The following SYNJ1 variants were observed in gnomAD, a reference collection of about 807,000 sequenced individuals.
The protein encoded by SYNJ1 is synaptojanin 1.
SYNJ1 carries 78 observed loss-of-function variants against 168.2 expected under a neutral mutation model. The observed-to-expected ratio is 0.46, with a 90% CI of 0.39 to 0.56. SYNJ1 has a LOEUF of 0.56. Ranked by LOEUF, SYNJ1 falls within the 20% of genes least tolerant of loss-of-function variation. The pLI is 0.00. For missense variants in SYNJ1, 1,303 were observed against 1,597.6 expected, an observed-to-expected ratio of 0.82 and a Z score of 3.14; for synonymous variants, 539 against 548.6, an observed-to-expected ratio of 0.98 and a Z score of 0.24.
At chr21:32,638,061 TTTTA>T (rs1384106059) in intron 31 of SYNJ1, among the ~76,000 whole-genome samples, 1 of 152,092 alleles carries the variant, frequency 6.6e-6, no homozygotes, top group Non-Finnish European at 1.5e-5. Flanking sequence ...AAAGAAGACT[TTTTA>T]TTTATTTATT....
At chr21:32,683,919 A>G in intron 10 of SYNJ1, 119 bp downstream of exon 10, 1 of 834,298 alleles carries the variant, frequency 1.2e-6, no homozygotes, top group South Asian at 1.8e-5. Context: ...GATTAGAAGT[A>G]CAAAATGAAG....
intron 32 of SYNJ1, among the ~76,000 whole-genome samples, chr21:32,633,653 G>A (rs1268290187): frequency 6.6e-6 from 1 of 152,142 alleles, no homozygotes; most frequent in Admixed American, 6.5e-5. Context: ...GAAAAAAACA[G>A]CAGCAGTCTC....
chr21:32,673,875 A>G (rs2041302049), intron 13 of SYNJ1, among the ~76,000 whole-genome samples: 1 of 152,232 alleles, frequency 6.6e-6, no homozygotes, highest in Admixed American at 6.5e-5. Context: ...CCAATGAACT[A>G]TACATTTTTA....
In SYNJ1 at chr21:32,650,084, C is replaced by T. The variant is rs922977782; in HGVS notation, c.3037+100G>A. 33 of 1,407,946 alleles carry T rather than the reference C, an allele frequency of 2.3e-5. No individual in the cohort carries two copies. In the African/African-American group the frequency reaches 4.4e-4, roughly 19 times the overall value. 87.2% of individuals were successfully genotyped at this position (1,407,946 alleles called of 1,614,324 possible). A position where few individuals can be genotyped will look rare whatever the true frequency, so the allele number is the denominator to read the frequency against. On this transcript the variant is annotated intron_variant, in intron 23 of 32. Coordinates refer to ENST00000674351, the MANE Select transcript of SYNJ1 (RefSeq NM_203446.3). ...TCTAATTAATAGTGCTATGTACGTC[C>T]CAAGAAGAAGAAGAAAGATGAACTT...
intron 2 of SYNJ1, among the ~76,000 whole-genome samples, chr21:32,713,366 C>T (rs866804913): frequency 1.5e-5 from 2 of 137,044 alleles, no homozygotes; most frequent in Non-Finnish European, 3.1e-5. Context: ...GGATGATTTC[C>T]CATATATCAA....
chr21:32,722,832 T>C (rs1175237244), intron 2 of SYNJ1, among the ~76,000 whole-genome samples: 1 of 152,180 alleles, frequency 6.6e-6, no homozygotes, highest in African/African-American at 2.4e-5. Flanking sequence ...ACAAGAGTAT[T>C]AGCACTTGGT....
At chr21:32,657,242 C>A in intron 19 of SYNJ1, 122 bp from the exon 20 acceptor site, 1 of 677,118 alleles carries the variant, frequency 1.5e-6, no homozygotes, top group South Asian at 1.9e-5. Context: ...ATGCCAGAAA[C>A]ACTTGGTAAT....
At chr21:32,657,901 T>C (rs1408958050) in intron 18 of SYNJ1, 29 bp from the exon 19 acceptor site, 1 of 1,574,244 alleles carries the variant, frequency 6.4e-7, no homozygotes, top group Non-Finnish European at 8.7e-7. Flanking sequence ...AAGTAAGTTA[T>C]TCCCAAACAG....
At chr21:32,681,862 A>C (rs1451123529) in intron 10 of SYNJ1, among the ~76,000 whole-genome samples, 1 of 152,190 alleles carries the variant, frequency 6.6e-6, no homozygotes, top group Non-Finnish European at 1.5e-5. Flanking sequence ...AGTATTGATA[A>C]GGACTTCTTT....
rs536250988 is a variant in SYNJ1, at chr21:32,680,878, A to C, written c.1353+618T>G. On this transcript the variant is annotated intron_variant, in intron 11 of 32. Coordinates refer to ENST00000674351, the MANE Select transcript of SYNJ1 (RefSeq NM_203446.3). ...GTGATCCACCTGCCTCAGCCTCCCA[A>C]AGTGCTGGGATTATAGGCGTCAGCC... is the stretch of plus-strand genomic sequence containing the variant. 4.6e-5 allele frequency among the ~76,000 whole-genome samples: 7 copies of C among 152,268 alleles called. 1 individual carries two copies. In the South Asian group the frequency reaches 1.5e-3, roughly 32 times the overall value.
rs142066836 is a variant in SYNJ1, at chr21:32,684,413, G to A, written c.1119-294C>T. On this transcript the variant is annotated intron_variant, in intron 9 of 32. Transcript: ENST00000674351. ...ATACATTCAGGTTTATGCTCTTACAGTTCTTTGCACATAAAATAAAAATAT... is the reference window on the plus strand; with the variant it reads ...ATACATTCAGGTTTATGCTCTTACAATTCTTTGCACATAAAATAAAAATAT... Among the ~76,000 whole-genome samples the A allele has an allele frequency of 8.5e-5, 13 of 152,192 alleles. No homozygotes were observed. In the East Asian group the frequency reaches 2.3e-3, roughly 27 times the overall value.
intron 6 of SYNJ1, among the ~76,000 whole-genome samples, chr21:32,693,976 A>AT (rs2042116521): frequency 6.6e-6 from 1 of 152,168 alleles, no homozygotes; most frequent in Non-Finnish European, 1.5e-5. Context: ...ATACACTATA[A>AT]AGACTTCAAA....
intron 15 of SYNJ1, among the ~76,000 whole-genome samples, chr21:32,667,382 A>G (rs1008589846): frequency 1.3e-5 from 2 of 152,138 alleles, no homozygotes; most frequent in African/African-American, 4.8e-5. Flanking sequence ...AATTACCAAC[A>G]TTTTGCCAAT....
intron 2 of SYNJ1, among the ~76,000 whole-genome samples, chr21:32,710,681 C>A (rs1207588866): frequency 1.3e-5 from 2 of 152,126 alleles, no homozygotes; most frequent in Non-Finnish European, 2.9e-5. Flanking sequence ...TGAGCCATTG[C>A]ACCTGATTGA....
rs2146433761 is a variant in SYNJ1, at chr21:32,726,872, C to A, written c.24G>T (p.Arg8=). The A allele has an allele frequency of 6.2e-7, 1 of 1,614,122 alleles. No homozygotes were observed. Among genetic ancestry groups the A allele is most frequent in the South Asian group, 1.1e-5 (1 of 91,082 alleles). The change falls in exon 2 of 33, where the codon CGG becomes CGT. Residue 8 remains arginine (R), a synonymous_variant. Coordinates refer to ENST00000674351, the MANE Select transcript of SYNJ1 (RefSeq NM_203446.3). ...GTGGGGGATCCAATTTGTGATAGAT[C>A]CGGAATCCTTTACTGAACGCCATTC... is the stretch of plus-strand genomic sequence containing the variant. MAFSKGF[R]IYHKLDPPPF...
rs1475043691 is a variant in SYNJ1, at chr21:32,705,133, G to T, written c.125-3086C>A. On this transcript the variant is annotated intron_variant, in intron 2 of 32. Coordinates refer to ENST00000674351, the MANE Select transcript of SYNJ1 (RefSeq NM_203446.3). ...CACTGCACTCCAGCCTGGTGACAGA[G>T]TGAGACTCTGTCTCAAAAAAAAAAA... Among the ~76,000 whole-genome samples, 3 of 148,668 alleles carry T rather than the reference G, an allele frequency of 2.0e-5. No individual in the cohort carries two copies. The South Asian group carries it at 6.4e-4, about 32-fold the overall frequency.
intron 10 of SYNJ1, among the ~76,000 whole-genome samples, chr21:32,682,929 A>G (rs2041679086): frequency 6.6e-6 from 1 of 152,136 alleles, no homozygotes; most frequent in Non-Finnish European, 1.5e-5. Flanking sequence ...GTTTCTGTCA[A>G]ATTTTCTAAA....
chr21:32,697,173 G>T (rs569142424), intron 4 of SYNJ1, among the ~76,000 whole-genome samples: 3 of 152,164 alleles, frequency 2.0e-5, no homozygotes, highest in African/African-American at 7.2e-5. Context: ...CATGACTTTT[G>T]ACTGGCAGCA....
Position 32,646,412 on chromosome 21 carries a change from A to C in SYNJ1, c.3228T>G (p.Pro1076=). Reference sequence around the variant, plus strand: ...GCATACTCTGTGCACTGGGAGGCCCAGGAGTTCTTGACGGTGCTCGGCTTG... The same window carrying C: ...GCATACTCTGTGCACTGGGAGGCCCCGGAGTTCTTGACGGTGCTCGGCTTG... The part of the protein sequence containing the change: ...IRPSRAPSRT[P]GPPSAQSSPI... The change falls in exon 24 of 33, where the codon CCT becomes CCG. Residue 1076 remains proline (P), a synonymous_variant. Coordinates refer to ENST00000674351, the MANE Select transcript of SYNJ1 (RefSeq NM_203446.3). The C allele has an allele frequency of 1.2e-6, 2 of 1,614,188 alleles. No individual in the cohort carries two copies. The highest frequency in any genetic ancestry group is 1.7e-4 in the Middle Eastern group (1 of 6,058).
Sources: gnomAD v4.1 joint callset for allele counts (sites outside exome capture counted in the v4.1 genomes callset) on GRCh38, gnomAD v4.1.1 for gene constraint, MANE v1.5 for transcripts, NCBI Gene and HGNC (gene_info 2026-07-23, HGNC 2026-07-21) for gene names.